The following ANGPT2 variants were observed in gnomAD, a reference collection of about 807,000 sequenced individuals.
ANGPT2 encodes the protein angiopoietin 2.
In ANGPT2, 28 loss-of-function variants were observed where a neutral mutation model predicts 62.9. That is an observed-to-expected ratio of 0.44 (90% CI 0.33 to 0.61). The LOEUF is 0.61. ANGPT2 is among the 20% of genes least tolerant of loss of function. The pLI is 0.03. For synonymous variants in ANGPT2, 284 were observed against 207.8 expected, an observed-to-expected ratio of 1.37 and a Z score of -3.15; for missense variants, 727 against 594.9, an observed-to-expected ratio of 1.22 and a Z score of -2.31.
In ANGPT2 at chr8:6,560,925, C is replaced by A. The variant is rs556381311; in HGVS notation, c.288+1722G>T. On this transcript the variant is annotated intron_variant, in intron 1 of 8. Transcript: ENST00000629816. ...ATTCTTTTATGTTTCCTGGCTGTTTCTTCGAGGAGATGACCTGCCTGTCGG... is the reference window on the plus strand; with the variant it reads ...ATTCTTTTATGTTTCCTGGCTGTTTATTCGAGGAGATGACCTGCCTGTCGG... Among the ~76,000 whole-genome samples, 10 of 152,322 alleles carry A rather than the reference C, an allele frequency of 6.6e-5. No homozygotes were observed. In the East Asian group the frequency reaches 1.9e-3, roughly 29 times the overall value.
At chr8:6,559,907 C>A (rs1286090636) in intron 1 of ANGPT2, among the ~76,000 whole-genome samples, 1 of 152,190 alleles carries the variant, frequency 6.6e-6, no homozygotes, top group Non-Finnish European at 1.5e-5. Context: ...GTAAGCTGTC[C>A]TGTATTGTTC....
chr8:6,558,465 A>G (rs528959182), intron 1 of ANGPT2, among the ~76,000 whole-genome samples: 8 of 152,344 alleles, frequency 5.3e-5, no homozygotes, highest in African/African-American at 1.9e-4. Flanking sequence ...GGATTAAAAT[A>G]AGCACCCCAG....
chr8:6,552,735 T>G (rs1331636691), intron 1 of ANGPT2, among the ~76,000 whole-genome samples: 3 of 152,174 alleles, frequency 2.0e-5, no homozygotes, highest in African/African-American at 7.2e-5. Context: ...CTGGTACCGT[T>G]TCTGAAGATA....
rs540775915 is a variant in ANGPT2, at chr8:6,499,664, A to G, written c.*3437T>C. On this transcript the variant is annotated 3_prime_UTR_variant, in exon 9 of 9. Coordinates refer to ENST00000629816, the MANE Select transcript of ANGPT2 (RefSeq NM_001118887.2). ...TTATCGTGAGACTTTTTCTCAATCA[A>G]CTTTTTATTAATATTCATAACATTT... 90 of 564,048 alleles carry G rather than the reference A, an allele frequency of 1.6e-4. No individual in the cohort carries two copies. The highest frequency in any genetic ancestry group is 1.3e-3 in the African/African-American group (70 of 53,398). 34.9% of individuals were successfully genotyped at this position (564,048 alleles called of 1,614,324 possible). A position where few individuals can be genotyped will look rare whatever the true frequency, so the allele number is the denominator to read the frequency against.
intron 1 of ANGPT2, among the ~76,000 whole-genome samples, chr8:6,557,222 G>A (rs1291818741): frequency 6.6e-6 from 1 of 152,026 alleles, no homozygotes; most frequent in Non-Finnish European, 1.5e-5. Flanking sequence ...TTTACCGCTG[G>A]GCAATCCATA....
At chr8:6,538,918 A>G (rs1042442013) in intron 1 of ANGPT2, among the ~76,000 whole-genome samples, 7 of 152,144 alleles carry the variant, frequency 4.6e-5, no homozygotes, top group African/African-American at 1.4e-4. Context: ...GAGGCTTTTG[A>G]CCTAATGTTC....
rs1021857181 is a variant in ANGPT2, at chr8:6,501,097, A to G, written c.*2004T>C. 6.6e-6 allele frequency: 1 copy of G among 152,216 alleles called. No individual in the cohort carries two copies. Among genetic ancestry groups the G allele is most frequent in the Non-Finnish European group, 1.5e-5 (1 of 68,040 alleles). 9.4% of individuals were successfully genotyped at this position (152,216 alleles called of 1,614,324 possible). On this transcript the variant is annotated 3_prime_UTR_variant, in exon 9 of 9. Transcript: ENST00000629816. The stretch of plus-strand genomic sequence containing the variant: ...TAAAACCTTCTTAAATATAAAGTAG[A>G]TACAGTTCTAAGATAGGGAGGTTCT...
chr8:6,503,182 G>A lies in ANGPT2; in HGVS notation c.1407C>T (p.Asn469=), dbSNP rs1205392510. ...YPQRQNTNKF[N]GIKWYYWKGS... ...CTTTCCAGTAGTACCATTTAATGCC[G>A]TTGAACTTATTTGTGTTCTGCCTCT... The change falls in exon 9 of 9, where the codon AAC becomes AAT. Residue 469 remains asparagine, a synonymous_variant. Transcript: ENST00000629816. 17 of 1,614,132 alleles carry A rather than the reference G, an allele frequency of 1.1e-5. No individual in the cohort carries two copies. Among genetic ancestry groups the A allele is most frequent in the East Asian group, 4.5e-5 (2 of 44,882 alleles).
At chr8:6,559,921 T>A (rs1482446919) in intron 1 of ANGPT2, among the ~76,000 whole-genome samples, 1 of 152,228 alleles carries the variant, frequency 6.6e-6, no homozygotes, top group Non-Finnish European at 1.5e-5. Flanking sequence ...ATTGTTCCAT[T>A]CATATTCCTC....
In ANGPT2 at chr8:6,502,724, T is replaced by C. The variant is rs1812434028; in HGVS notation, c.*377A>G. The C allele has an allele frequency of 4.6e-6, 1 of 217,324 alleles. No homozygotes were observed. Among genetic ancestry groups the C allele is most frequent in the Non-Finnish European group, 9.1e-6 (1 of 109,534 alleles). 13.5% of individuals were successfully genotyped at this position (217,324 alleles called of 1,614,324 possible). ...TAAACAGTGCTCAGAAGAATGCAGT[T>C]CCAAGATGATCTGTATTGTATAACA... On this transcript the variant is annotated 3_prime_UTR_variant, in exon 9 of 9. Coordinates refer to ENST00000629816, the MANE Select transcript of ANGPT2 (RefSeq NM_001118887.2).
intron 1 of ANGPT2, 25 bp from the exon 2 acceptor site, chr8:6,532,512 C>T: frequency 6.4e-7 from 1 of 1,553,484 alleles, no homozygotes; most frequent in Non-Finnish European, 8.7e-7. Context: ...TGTTAGAAGG[C>T]AGTCATTAGT....
At chr8:6,555,223 T>C (rs1824381152) in intron 1 of ANGPT2, among the ~76,000 whole-genome samples, 1 of 152,232 alleles carries the variant, frequency 6.6e-6, no homozygotes, top group African/African-American at 2.4e-5. Flanking sequence ...CTGTAGAATG[T>C]GAGATGGACA....
chr8:6,524,502 G>A (rs756674670), intron 3 of ANGPT2, among the ~76,000 whole-genome samples: 19 of 152,170 alleles, frequency 1.2e-4, no homozygotes, highest in African/African-American at 3.6e-4. Context: ...CCTAGGAACC[G>A]AAAGCATGTG....
At chr8:6,519,720 G>A (rs1450870288) in intron 5 of ANGPT2, 144 bp downstream of exon 5, 16 of 970,990 alleles carry the variant, frequency 1.6e-5, no homozygotes, top group East Asian at 5.2e-5. Context: ...CACTCTAGGC[G>A]AGGTAGCTGC....
chr8:6,537,567 C>A (rs541432338), intron 1 of ANGPT2, among the ~76,000 whole-genome samples: 1 of 150,780 alleles, frequency 6.6e-6, no homozygotes, highest in African/African-American at 2.4e-5. Flanking sequence ...TATATGTTTA[C>A]ATTAATATAT....
At chr8:6,549,942 C>G (rs993958571) in intron 1 of ANGPT2, among the ~76,000 whole-genome samples, 15 of 152,212 alleles carry the variant, frequency 9.9e-5, no homozygotes, top group African/African-American at 3.6e-4. Context: ...CGAGTCTGAG[C>G]TAGCTATAGC....
At chr8:6,543,290 G>C (rs1821935703) in intron 1 of ANGPT2, among the ~76,000 whole-genome samples, 1 of 152,180 alleles carries the variant, frequency 6.6e-6, no homozygotes, top group Non-Finnish European at 1.5e-5. Context: ...ATGCACTACT[G>C]ACCCGCCGTC....
At chr8:6,554,310 A>G (rs568691972) in intron 1 of ANGPT2, among the ~76,000 whole-genome samples, 30 of 119,914 alleles carry the variant, frequency 2.5e-4, no homozygotes, top group African/African-American at 1.2e-3. Flanking sequence ...AAAAGAGAGA[A>G]AAAAAAAAAT....
At chr8:6,514,639 G>C (rs908458603) in intron 6 of ANGPT2, 38 bp downstream of exon 6, 4 of 1,568,352 alleles carry the variant, frequency 2.6e-6, no homozygotes, top group Non-Finnish European at 3.5e-6. Flanking sequence ...TTTTTCACAA[G>C]GGAAATTCTT....
Sources: gnomAD v4.1 joint callset for allele counts (sites outside exome capture counted in the v4.1 genomes callset) on GRCh38, gnomAD v4.1.1 for gene constraint, MANE v1.5 for transcripts, NCBI Gene and HGNC (gene_info 2026-07-23, HGNC 2026-07-21) for gene names.